The following SKI variants were observed in gnomAD, a reference collection of about 807,000 sequenced individuals.
SKI encodes the protein SKI proto-oncogene.
A neutral mutation model predicts 59.3 loss-of-function variants in SKI; 23 were observed. The observed-to-expected ratio is 0.39, with a 90% CI of 0.28 to 0.55. The LOEUF is 0.55. SKI is among the 20% of genes least tolerant of loss of function. The pLI is 0.67. For synonymous variants in SKI, 673 were observed against 488.6 expected, an observed-to-expected ratio of 1.38 and a Z score of -4.98; for missense variants, 1,017 against 1,038.9, an observed-to-expected ratio of 0.98 and a Z score of 0.29.
At chr1:2,304,792 C>T (rs895659059) in intron 5 of SKI, among the ~76,000 whole-genome samples, 1 of 152,234 alleles carries the variant, frequency 6.6e-6, no homozygotes, top group Non-Finnish European at 1.5e-5. Context: ...CTCAGTGTCC[C>T]CAGGCTGATG....
At chr1:2,285,802 A>G (rs1640027524) in intron 1 of SKI, among the ~76,000 whole-genome samples, 2 of 150,032 alleles carry the variant, frequency 1.3e-5, no homozygotes, top group Non-Finnish European at 3.0e-5. Flanking sequence ...CTGACCTCAC[A>G]TGATCTGCTC....
chr1:2,304,635 C>A, intron 5 of SKI, 50 bp downstream of exon 5: 3 of 1,504,766 alleles, frequency 2.0e-6, no homozygotes, highest in South Asian at 1.3e-5. Flanking sequence ...GCAGTGAGCA[C>A]AGCCTGCACC....
rs202230490 is a variant in SKI at position 2,276,344 on chromosome 1, GT to G, written c.970-26631del. Among the ~76,000 whole-genome samples, 239 of 152,274 alleles carry G rather than the reference GT, an allele frequency of 1.6e-3. 3 individuals carry two copies. The East Asian group carries it at 0.036, about 23-fold the overall frequency. On this transcript the variant is annotated intron_variant, in intron 1 of 6. Coordinates refer to ENST00000378536, the MANE Select transcript of SKI (RefSeq NM_003036.4). ...TGCACTCAGAGGCCGTTTACTTGAG[GT>G]TTGATATTTATCTCCAAAGGAAGGG...
chr1:2,240,881 G>A, intron 1 of SKI: 1 of 835,416 alleles, frequency 1.2e-6, no homozygotes. Context: ...TGCTGGGGAA[G>A]TGGCCCTGCG....
rs1367670589 is a variant in SKI, at chr1:2,303,502, C to A, written c.1211+102C>A. 5 of 1,082,714 alleles carry A rather than the reference C, an allele frequency of 4.6e-6. No individual in the cohort carries two copies. The highest frequency in any genetic ancestry group is 3.7e-5 in the Admixed American group (2 of 54,094). 67.1% of individuals were successfully genotyped at this position (1,082,714 alleles called of 1,614,324 possible). ...GTTTCTGCAGGCTGGGTGCCCAGAC[C>A]TGCCGCCTTTTGGTCAGGGCAGTCT... On this transcript the variant is annotated intron_variant, in intron 3 of 6. Coordinates refer to ENST00000378536, the MANE Select transcript of SKI (RefSeq NM_003036.4). The surrounding 1 kb of genome is among the most constrained non-coding windows in gnomAD (Gnocchi z 5.6).
intron 1 of SKI, among the ~76,000 whole-genome samples, chr1:2,234,827 T>C (rs1370189098): frequency 2.6e-5 from 4 of 152,242 alleles, no homozygotes; most frequent in African/African-American, 9.6e-5. Flanking sequence ...ATTATTTCCC[T>C]AATATCTGGG....
chr1:2,282,730 G>C (rs1348337137), intron 1 of SKI, among the ~76,000 whole-genome samples: 1 of 152,156 alleles, frequency 6.6e-6, no homozygotes, highest in Non-Finnish European at 1.5e-5. Flanking sequence ...AAAAGGTCAG[G>C]AGGCTGGGCT....
At chr1:2,230,045 A>C (rs1433265949) in intron 1 of SKI, among the ~76,000 whole-genome samples, 1 of 152,332 alleles carries the variant, frequency 6.6e-6, no homozygotes, top group East Asian at 1.9e-4. Flanking sequence ...AGGAAGGCAC[A>C]GGCCTCATGC....
rs78718719 is a variant in SKI, at chr1:2,284,044, C to T, written c.970-18934C>T. On this transcript the variant is annotated intron_variant, in intron 1 of 6. Transcript: ENST00000378536. ...CATCTTCTCCCCAGACCCAGACCCT[C>T]CCCAACTCATGGAGACCCTGTCCTC... Among the ~76,000 whole-genome samples, 1,029 of 152,286 alleles carry T rather than the reference C, an allele frequency of 6.8e-3. 12 individuals carry two copies. The highest frequency in any genetic ancestry group is 0.02 in the Middle Eastern group (6 of 294).
chr1:2,309,443 C>T lies in SKI; in HGVS notation c.*2678C>T, dbSNP rs1640688239. 6.6e-6 allele frequency: 1 copy of T among 152,172 alleles called. No homozygotes were observed. Among genetic ancestry groups the T allele is most frequent in the Admixed American group, 6.5e-5 (1 of 15,288 alleles). 9.4% of individuals were successfully genotyped at this position (152,172 alleles called of 1,614,324 possible). ...CGTACAGAACTAGCCAATGTAAAAA[C>T]AGTTCACCTGTAAATACTTTTTCCT... On this transcript the variant is annotated 3_prime_UTR_variant, in exon 7 of 7. Transcript: ENST00000378536.
intron 1 of SKI, among the ~76,000 whole-genome samples, chr1:2,260,614 C>T (rs1189760863): frequency 7.7e-6 from 1 of 129,090 alleles, no homozygotes; most frequent in Non-Finnish European, 1.5e-5. Context: ...GATCTGGGCT[C>T]ACTGCAGCCT....
intron 1 of SKI, among the ~76,000 whole-genome samples, chr1:2,283,125 A>G (rs887158053): frequency 1.3e-5 from 2 of 152,096 alleles, no homozygotes; most frequent in Admixed American, 1.3e-4. Flanking sequence ...ACCCGGCCCA[A>G]CCGCCTTTGT....
At chr1:2,230,372 G>A in intron 1 of SKI, among the ~76,000 whole-genome samples, 1 of 152,204 alleles carries the variant, frequency 6.6e-6, no homozygotes, top group East Asian at 1.9e-4. Context: ...CCAGCACTGT[G>A]CTGGTTGGTC....
chr1:2,239,967 G>A (rs576513792), intron 1 of SKI, among the ~76,000 whole-genome samples: 11 of 152,292 alleles, frequency 7.2e-5, no homozygotes, highest in African/African-American at 2.6e-4. Context: ...GACTGAGCTC[G>A]GCGCCTCTAG....
At chr1:2,249,669 A>G (rs1273443936) in intron 1 of SKI, among the ~76,000 whole-genome samples, 1 of 152,224 alleles carries the variant, frequency 6.6e-6, no homozygotes, top group Admixed American at 6.5e-5. Context: ...GGGAAGAGCC[A>G]GCACAGAGGG....
intron 1 of SKI, among the ~76,000 whole-genome samples, chr1:2,302,198 ACCTTCG>A (rs1640441998): frequency 6.6e-6 from 1 of 151,512 alleles, no homozygotes; most frequent in Non-Finnish European, 1.5e-5. Context: ...GGGTCCAGGC[ACCTTCG>A]CTAAGCTTCC....
intron 1 of SKI, among the ~76,000 whole-genome samples, chr1:2,236,833 GA>G (rs1638758487): frequency 6.6e-6 from 1 of 152,312 alleles, no homozygotes; most frequent in East Asian, 1.9e-4. Context: ...GCTGAGTGCT[GA>G]TGCTCCTCCC....
chr1:2,279,138 C>A (rs1339919685), intron 1 of SKI, among the ~76,000 whole-genome samples: 1 of 152,204 alleles, frequency 6.6e-6, no homozygotes, highest in African/African-American at 2.4e-5. Context: ...GGGCCCTCCA[C>A]CGCCCCATTG....
At chr1:2,238,218 G>A (rs569364000) in intron 1 of SKI, among the ~76,000 whole-genome samples, 1 of 152,230 alleles carries the variant, frequency 6.6e-6, no homozygotes, top group Non-Finnish European at 1.5e-5. Flanking sequence ...GTTTGTCCCC[G>A]TGCCTCCCTT....
Sources: allele counts gnomAD v4.1 joint callset (sites outside exome capture counted in the v4.1 genomes callset), GRCh38; gene constraint gnomAD v4.1.1; non-coding constraint Gnocchi (gnomAD v3.1); transcripts MANE v1.5; gene names NCBI Gene and HGNC (gene_info 2026-07-23, HGNC 2026-07-21).